The following AGMO variants were observed in gnomAD, a reference collection of about 807,000 sequenced individuals.
AGMO encodes the protein alkylglycerol monooxygenase, also known as glyceryl-ether monooxygenase.
A neutral mutation model predicts 60.2 loss-of-function variants in AGMO; 75 were observed. The ratio of observed to expected loss-of-function variants is 1.25; its 90% CI spans 1.03 to 1.51. The LOEUF is 1.51. Among genes scored for constraint, AGMO ranks in the 40% most tolerant of loss-of-function variants. The probability of loss-of-function intolerance (pLI) is 0.00; values close to 1 mark genes in which losing one functional copy is unlikely to be tolerated. For missense variants in AGMO, 763 were observed against 525.5 expected (o/e 1.45, Z -4.42); for synonymous variants, 261 against 177.1 (o/e 1.47, Z -3.76).
chr7:15,401,279 TTATTC>T (rs1223371275), intron 5 of AGMO, among the ~76,000 whole-genome samples: 2 of 152,182 alleles, frequency 1.3e-5, no homozygotes, highest in African/African-American at 4.8e-5. Flanking sequence ...TACAATTAAC[TTATTC>T]TATTCTATAT....
chr7:15,452,337 C>T (rs958635165), intron 3 of AGMO, among the ~76,000 whole-genome samples: 2 of 151,882 alleles, frequency 1.3e-5, no homozygotes, highest in Non-Finnish European at 2.9e-5. Context: ...AATAAAATAT[C>T]TGATAAAGGT....
intron 3 of AGMO, among the ~76,000 whole-genome samples, chr7:15,527,287 C>T (rs990749612): frequency 6.6e-6 from 1 of 152,114 alleles, no homozygotes; most frequent in Non-Finnish European, 1.5e-5. Flanking sequence ...AGTTCTAGTC[C>T]AGTGAACATA....
chr7:15,442,880 G>A (rs559338121), intron 3 of AGMO, among the ~76,000 whole-genome samples: 6 of 152,234 alleles, frequency 3.9e-5, no homozygotes, highest in Non-Finnish European at 7.4e-5. Flanking sequence ...GCGGCTGGAC[G>A]TCAAGAGGAA....
At chr7:15,549,915 A>G (rs1784898691) in intron 2 of AGMO, among the ~76,000 whole-genome samples, 2 of 150,822 alleles carry the variant, frequency 1.3e-5, no homozygotes, top group African/African-American at 4.8e-5. Context: ...CATACTGGGA[A>G]GTAAAGCTCT....
intron 3 of AGMO, among the ~76,000 whole-genome samples, chr7:15,531,491 ATATATATTC>A (rs1468873715): frequency 0.066 from 2,064 of 31,272 alleles, 564 homozygotes; most frequent in East Asian, 0.084. Context: ...TATATATTCT[ATATATATTC>A]TATATATATT....
intron 12 of AGMO, among the ~76,000 whole-genome samples, chr7:15,269,333 G>A (rs1243156145): frequency 6.6e-6 from 1 of 152,022 alleles, no homozygotes; most frequent in African/African-American, 2.4e-5. Flanking sequence ...GTTTCCAAAA[G>A]ATTTAGGTAA....
At chr7:15,552,477 A>G (rs1784993106) in intron 2 of AGMO, among the ~76,000 whole-genome samples, 2 of 150,950 alleles carry the variant, frequency 1.3e-5, no homozygotes, top group Admixed American at 1.3e-4. Context: ...TTTACAAGAA[A>G]AAAACAAACA....
chr7:15,348,622 G>C (rs959680952), intron 12 of AGMO, among the ~76,000 whole-genome samples: 1 of 151,956 alleles, frequency 6.6e-6, no homozygotes, highest in African/African-American at 2.4e-5. Context: ...TAACACTCGT[G>C]TATCTGTGCA....
intron 10 of AGMO, among the ~76,000 whole-genome samples, chr7:15,382,851 G>C (rs1467509277): frequency 6.6e-6 from 1 of 152,112 alleles, no homozygotes; most frequent in East Asian, 1.9e-4. Context: ...TATGTCACTA[G>C]GTGTTTATAA....
chr7:15,125,562 AT>A, the AGMO span, among the ~76,000 whole-genome samples: 2 of 151,912 alleles, frequency 1.3e-5, no homozygotes, highest in Non-Finnish European at 2.9e-5. Context: ...AATCCTCTCT[AT>A]TTTTTTAAAC....
intron 3 of AGMO, among the ~76,000 whole-genome samples, chr7:15,524,864 A>AC (rs200357260): frequency 0.014 from 2,162 of 149,416 alleles, 50 homozygotes; most frequent in African/African-American, 0.05. Context: ...TTCCATCTCA[A>AC]AAAAAAAAAA....
intron 12 of AGMO, among the ~76,000 whole-genome samples, chr7:15,346,706 G>C (rs1782046793): frequency 6.6e-6 from 1 of 151,220 alleles, no homozygotes; most frequent in African/African-American, 2.4e-5. Context: ...TGTTATTCAA[G>C]AGCTAAATCC....
chr7:15,142,438 G>A, the AGMO span, among the ~76,000 whole-genome samples: 56 of 151,998 alleles, frequency 3.7e-4, no homozygotes, highest in African/African-American at 1.2e-3. Context: ...TTCTTTTCAT[G>A]GTTTTCTAGT....
the AGMO span, among the ~76,000 whole-genome samples, chr7:15,190,037 T>C: frequency 6.9e-6 from 1 of 145,840 alleles, no homozygotes; most frequent in East Asian, 2.0e-4. Flanking sequence ...TTTCCTGAGG[T>C]GTTTGTGTAG....
At chr7:15,342,197 G>T (rs1160419863) in intron 12 of AGMO, among the ~76,000 whole-genome samples, 1 of 56,650 alleles carries the variant, frequency 1.8e-5, no homozygotes, top group Admixed American at 1.5e-4. Flanking sequence ...AAAAAAAAAA[G>T]GACTAAGTCC....
intron 12 of AGMO, among the ~76,000 whole-genome samples, chr7:15,232,197 G>C (rs1782282099): frequency 1.3e-5 from 2 of 152,162 alleles, no homozygotes; most frequent in South Asian, 4.2e-4. Context: ...TTATCCATTT[G>C]CTCACTCTGT....
At chr7:15,460,106 C>CCTT (rs1554274950) in intron 3 of AGMO, among the ~76,000 whole-genome samples, 1 of 121,704 alleles carries the variant, frequency 8.2e-6, no homozygotes, top group African/African-American at 3.3e-5. Flanking sequence ...CCAATTTCCC[C>CCTT]TTTTTTTTTT....
chr7:15,124,266 T>C, the AGMO span, among the ~76,000 whole-genome samples: 3 of 151,946 alleles, frequency 2.0e-5, no homozygotes, highest in African/African-American at 4.8e-5. Flanking sequence ...TTTCCCTACC[T>C]TGCCTTTCAC....
the AGMO span, among the ~76,000 whole-genome samples, chr7:15,181,174 AG>A: frequency 6.6e-6 from 1 of 152,226 alleles, no homozygotes; most frequent in Non-Finnish European, 1.5e-5. Context: ...AAACCATAGT[AG>A]GTACCAATTC....
Sources: allele counts gnomAD v4.1 joint callset (sites outside exome capture counted in the v4.1 genomes callset), GRCh38; gene constraint gnomAD v4.1.1; transcripts MANE v1.5; gene names NCBI Gene and HGNC (gene_info 2026-07-23, HGNC 2026-07-21).